PREX1: variants seen among roughly 807,000 people sequenced by gnomAD.
The protein encoded by PREX1 is phosphatidylinositol-3,4,5-trisphosphate dependent Rac exchange factor 1.
PREX1 carries 41 observed loss-of-function variants against 198.3 expected under a neutral mutation model. That is an observed-to-expected ratio of 0.21 (90% CI 0.16 to 0.27). PREX1 has a LOEUF of 0.27. Ranked by LOEUF, PREX1 falls within the 10% of genes least tolerant of loss-of-function variation. The pLI, the probability that PREX1 is intolerant of heterozygous loss-of-function variation, is 1.00. For missense variants in PREX1, 1,620 were observed against 2,200.7 expected (o/e 0.74, Z 5.28); for synonymous variants, 843 against 887.2 (o/e 0.95, Z 0.89).
chr20:48,887,573 T>G, the PREX1 span, among the ~76,000 whole-genome samples: 1 of 152,044 alleles, frequency 6.6e-6, no homozygotes, highest in African/African-American at 2.4e-5. Flanking sequence ...TGAGCCAAGA[T>G]CACACCACTG....
At position 48,726,357 on chromosome 20, in the gene PREX1, T is replaced by C; in HGVS notation, c.554A>G (p.Asp185Gly). 6.2e-7 allele frequency: 1 copy of C among 1,613,692 alleles called. No homozygotes were observed. The highest frequency in any genetic ancestry group is 1.7e-5 in the Admixed American group (1 of 59,990). ...CAACAGGTAGCCTTCCAAAGGGATG[T>C]CCGTGGTCTTCCGGCCTCCCAGAAG... ...CMLLGGRKTT[D>G]IPLEGYLLSP... Residue 185 changes from aspartate to glycine, a missense_variant, in exon 5 of 40, where the codon GAC becomes GGC. Physicochemically the swap from Asp to Gly is moderately conservative, Grantham distance 94. Around this residue, in one of 7 missense-constraint regions of PREX1, gnomAD observed 488 missense variants for 802.5 expected, o/e 0.61. Coordinates refer to ENST00000371941, the MANE Select transcript of PREX1 (RefSeq NM_020820.4).
At chr20:48,851,283 G>A in the PREX1 span, among the ~76,000 whole-genome samples, 1 of 152,194 alleles carries the variant, frequency 6.6e-6, no homozygotes, top group African/African-American at 2.4e-5. Context: ...GAAGCGGGCG[G>A]ATCTCTTGAG....
chr20:48,844,021 T>A, the PREX1 span, among the ~76,000 whole-genome samples: 1 of 152,076 alleles, frequency 6.6e-6, no homozygotes, highest in Non-Finnish European at 1.5e-5. Flanking sequence ...GCAACACTAG[T>A]CCCAGCTACT....
intron 4 of PREX1, among the ~76,000 whole-genome samples, chr20:48,733,915 T>G (rs1427249272): frequency 6.6e-6 from 1 of 152,078 alleles, no homozygotes; most frequent in Non-Finnish European, 1.5e-5. Flanking sequence ...CACGCCCAGT[T>G]AATTTTTTTG....
At chr20:48,716,280 G>A (rs1046232535) in intron 5 of PREX1, among the ~76,000 whole-genome samples, 14 of 152,182 alleles carry the variant, frequency 9.2e-5, no homozygotes, top group African/African-American at 2.2e-4. Context: ...CTGGGCTTCC[G>A]CGAGATGCCT....
At chr20:48,779,896 T>G (rs73909717) in intron 1 of PREX1, among the ~76,000 whole-genome samples, 3 of 152,188 alleles carry the variant, frequency 2.0e-5, no homozygotes, top group African/African-American at 7.2e-5. Context: ...GAGTGTTTTT[T>G]GGGTGATGGA....
chr20:48,673,029 TAA>T (rs11478310), intron 14 of PREX1, among the ~76,000 whole-genome samples: 1 of 146,714 alleles, frequency 6.8e-6, no homozygotes, highest in African/African-American at 2.5e-5. Context: ...CAAAAATAAT[TAA>T]AAAAAAAAAA....
At chr20:48,844,189 C>A in the PREX1 span, among the ~76,000 whole-genome samples, 5 of 152,216 alleles carry the variant, frequency 3.3e-5, no homozygotes, top group South Asian at 8.3e-4. Context: ...TTCAATTATT[C>A]AGTAGCACTC....
At chr20:48,642,069 G>A in intron 29 of PREX1, 99 bp downstream of exon 29, 1 of 1,232,900 alleles carries the variant, frequency 8.1e-7, no homozygotes, top group South Asian at 1.3e-5. Flanking sequence ...CAGTCGTTCA[G>A]CAGTAGGAGG....
chr20:48,707,690 C>G (rs1413049833), intron 6 of PREX1, among the ~76,000 whole-genome samples: 4 of 152,162 alleles, frequency 2.6e-5, no homozygotes, highest in Non-Finnish European at 4.4e-5. Flanking sequence ...CTCTAATAAT[C>G]TAAGGAAGGC....
At chr20:48,855,819 A>G in the PREX1 span, among the ~76,000 whole-genome samples, 4 of 152,130 alleles carry the variant, frequency 2.6e-5, no homozygotes, top group Admixed American at 2.0e-4. Flanking sequence ...AATCACTTGA[A>G]CCCAGGAGGC....
At chr20:48,659,815 C>G in intron 16 of PREX1, 104 bp downstream of exon 16, 1 of 1,513,244 alleles carries the variant, frequency 6.6e-7, no homozygotes, top group Non-Finnish European at 9.0e-7. Context: ...TTCTGGTACT[C>G]CAAGCTGAGC....
intron 21 of PREX1, 123 bp downstream of exon 21, chr20:48,652,463 C>A (rs1403371898): frequency 1.5e-6 from 2 of 1,346,952 alleles, no homozygotes; most frequent in Admixed American, 4.8e-5. Flanking sequence ...AAAAACAAAC[C>A]TGCTGGCATG....
chr20:48,775,039 C>T (rs13045689), intron 1 of PREX1, among the ~76,000 whole-genome samples: 40,509 of 152,080 alleles, frequency 0.27, 6,336 homozygotes, highest in Admixed American at 0.34. Context: ...GGGAAACAGG[C>T]ACCTATACCA....
intron 10 of PREX1, among the ~76,000 whole-genome samples, chr20:48,682,239 T>G (rs2089755940): frequency 6.6e-6 from 1 of 152,224 alleles, no homozygotes; most frequent in Non-Finnish European, 1.5e-5. Context: ...CAGCTCTTCA[T>G]GCAACTGTGC....
At chr20:48,793,904 A>G (rs756203987) in intron 1 of PREX1, among the ~76,000 whole-genome samples, 5 of 152,220 alleles carry the variant, frequency 3.3e-5, no homozygotes, top group Non-Finnish European at 7.3e-5. Context: ...TCTAGGTCCA[A>G]GCCCTTCACA....
chr20:48,836,901 C>T, the PREX1 span, among the ~76,000 whole-genome samples: 1 of 73,020 alleles, frequency 1.4e-5, no homozygotes, highest in African/African-American at 5.4e-5. Context: ...GACTCTGTCT[C>T]CAAAAAAAAA....
chr20:48,862,572 C>T, the PREX1 span, among the ~76,000 whole-genome samples: 6 of 151,794 alleles, frequency 4.0e-5, no homozygotes, highest in Admixed American at 6.6e-5. Flanking sequence ...TTGGACAAGC[C>T]ACTTCCCCTC....
At position 48,627,967 on chromosome 20, in the gene PREX1, C is replaced by T; in HGVS notation, c.4767-4G>A. On this transcript the variant is annotated splice_polypyrimidine_tract_variant and splice_region_variant and intron_variant, in intron 37 of 39. Coordinates refer to ENST00000371941, the MANE Select transcript of PREX1 (RefSeq NM_020820.4). Reference sequence around the variant, plus strand: ...CAGGGACACGCTCAGGGTGCTCCTGCAGCAGGGGAGGGAGGACAGCGGGTT... The same window carrying T: ...CAGGGACACGCTCAGGGTGCTCCTGTAGCAGGGGAGGGAGGACAGCGGGTT... The T allele has an allele frequency of 6.2e-7, 1 of 1,604,030 alleles. No homozygotes were observed. Among genetic ancestry groups the T allele is most frequent in the Non-Finnish European group, 8.5e-7 (1 of 1,175,762 alleles).
Sources: allele counts gnomAD v4.1 joint callset (sites outside exome capture counted in the v4.1 genomes callset), GRCh38; gene constraint gnomAD v4.1.1; regional missense constraint gnomAD v4.1.1; transcripts MANE v1.5; gene names NCBI Gene and HGNC (gene_info 2026-07-23, HGNC 2026-07-21).